IL1RAPL2: variants seen among roughly 807,000 people sequenced by gnomAD.
IL1RAPL2 encodes interleukin 1 receptor accessory protein like 2.
A neutral mutation model predicts 44.1 loss-of-function variants in IL1RAPL2; 3 were observed. The observed-to-expected ratio is 0.07, with a 90% CI of 0.03 to 0.18. The LOEUF (loss-of-function observed/expected upper bound fraction) is 0.18. Ranked by LOEUF, IL1RAPL2 falls within the 10% of genes least tolerant of loss-of-function variation. IL1RAPL2 has a pLI of 1.00. For synonymous variants in IL1RAPL2, 181 were observed against 178.8 expected, an observed-to-expected ratio of 1.01 and a Z score of -0.10; for missense variants, 391 against 496.4, an observed-to-expected ratio of 0.79 and a Z score of 2.02.
chrX:104,749,003 C>A (rs1399083852), intron 2 of IL1RAPL2, among the ~76,000 whole-genome samples: 1 of 110,448 alleles, frequency 9.1e-6, no homozygotes. Context: ...AAATCAAGAA[C>A]AATCTGATAA....
chrX:105,368,340 C>A (rs1008108082), intron 5 of IL1RAPL2, among the ~76,000 whole-genome samples: 1 of 111,708 alleles, frequency 9.0e-6, no homozygotes, highest in African/African-American at 3.3e-5. Flanking sequence ...CCAAATTCAA[C>A]AACCCAATTC....
At chrX:105,641,028 C>T (rs1248130252) in intron 6 of IL1RAPL2, among the ~76,000 whole-genome samples, 1 of 109,335 alleles carries the variant, frequency 9.1e-6, no homozygotes, top group Admixed American at 9.9e-5. Context: ...GGTAAACATA[C>T]AAAAAATTAA....
chrX:105,127,708 A>G (rs1465068210), intron 2 of IL1RAPL2, among the ~76,000 whole-genome samples: 2 of 111,156 alleles, frequency 1.8e-5, no homozygotes, highest in African/African-American at 6.5e-5. Context: ...TTTTATACCA[A>G]ATCTGAACCT....
chrX:104,753,867 C>T (rs1391935942), intron 2 of IL1RAPL2, among the ~76,000 whole-genome samples: 1 of 111,700 alleles, frequency 9.0e-6, no homozygotes, highest in Non-Finnish European at 1.9e-5. Flanking sequence ...GAATTTTACC[C>T]CTTAGCAAAT....
chrX:105,742,540 C>T (rs2038509017), intron 8 of IL1RAPL2, among the ~76,000 whole-genome samples: 1 of 110,748 alleles, frequency 9.0e-6, no homozygotes, highest in Admixed American at 9.6e-5. Flanking sequence ...AACCAAGACA[C>T]ACTGTAATAC....
At chrX:105,566,147 C>T (rs772626586) in intron 6 of IL1RAPL2, among the ~76,000 whole-genome samples, 1 of 110,909 alleles carries the variant, frequency 9.0e-6, no homozygotes, top group South Asian at 3.8e-4. Flanking sequence ...CCATTGCTAA[C>T]TCCACAACTG....
chrX:105,005,581 T>C (rs2092751723), intron 2 of IL1RAPL2, among the ~76,000 whole-genome samples: 1 of 111,015 alleles, frequency 9.0e-6, no homozygotes, highest in Admixed American at 9.6e-5. Flanking sequence ...CTTTCTCTTA[T>C]ATTTCTTCTT....
chrX:105,328,250 T>TC (rs908242553), intron 5 of IL1RAPL2, among the ~76,000 whole-genome samples: 1 of 111,835 alleles, frequency 8.9e-6, no homozygotes, highest in African/African-American at 3.2e-5. Flanking sequence ...CCTTGTACCC[T>TC]CCAAGAAAGT....
chrX:104,612,239 C>A (rs1194427766), intron 1 of IL1RAPL2, among the ~76,000 whole-genome samples: 2 of 112,017 alleles, frequency 1.8e-5, no homozygotes, highest in Non-Finnish European at 3.8e-5. Context: ...CTTTTGAGGA[C>A]TTAGTCATAA....
intron 2 of IL1RAPL2, among the ~76,000 whole-genome samples, chrX:105,072,204 G>C (rs1396860090): frequency 9.0e-6 from 1 of 111,537 alleles, no homozygotes; most frequent in African/African-American, 3.3e-5. Context: ...CTTTTCGCCT[G>C]CTGCCATGTA....
intron 2 of IL1RAPL2, among the ~76,000 whole-genome samples, chrX:104,722,940 ATTAAGT>A (rs1484989210): frequency 9.0e-6 from 1 of 111,443 alleles, no homozygotes; most frequent in African/African-American, 3.3e-5. Context: ...CAAAAATATA[ATTAAGT>A]TTAATTGTAA....
chrX:105,201,925 C>T (rs145607581), intron 3 of IL1RAPL2, among the ~76,000 whole-genome samples: 1,944 of 111,076 alleles, frequency 0.018, 50 homozygotes, highest in African/African-American at 0.059. Flanking sequence ...ATTTCATTCC[C>T]GAAATGAAAT....
intron 6 of IL1RAPL2, among the ~76,000 whole-genome samples, chrX:105,556,124 T>C (rs191740293): frequency 3.8e-4 from 42 of 111,917 alleles, no homozygotes; most frequent in Middle Eastern, 4.6e-3. Context: ...GTGCCTTACA[T>C]GAAAGAGCTA....
At chrX:104,793,435 G>A (rs1932835404) in intron 2 of IL1RAPL2, among the ~76,000 whole-genome samples, 1 of 111,912 alleles carries the variant, frequency 8.9e-6, no homozygotes, top group African/African-American at 3.2e-5. Flanking sequence ...TGTAGAGAAA[G>A]GAAAGTGGAT....
At chrX:105,439,950 G>A (rs1018553498) in intron 5 of IL1RAPL2, among the ~76,000 whole-genome samples, 1 of 112,001 alleles carries the variant, frequency 8.9e-6, no homozygotes, top group Non-Finnish European at 1.9e-5. Flanking sequence ...GAAGAAATGA[G>A]GTGAGGAATG....
At position 105,406,464 on chromosome X, in the gene IL1RAPL2, A is replaced by T. The variant is rs750354582; in HGVS notation, c.698-77849A>T. The T allele has an allele frequency of 3.9e-5, 46 of 1,194,418 alleles. 1 individual carries two copies. The South Asian group carries it at 7.6e-4, about 20-fold the overall frequency. Reference sequence around the variant, plus strand: ...ATAAAGAATTCTCAACCACCGGAGGATCATTCACCAATATCCCGAAAGGAA... The same window carrying T: ...ATAAAGAATTCTCAACCACCGGAGGTTCATTCACCAATATCCCGAAAGGAA... On this transcript the variant is annotated intron_variant, in intron 5 of 10. Coordinates refer to ENST00000372582, the MANE Select transcript of IL1RAPL2 (RefSeq NM_017416.2).
chrX:105,373,767 A>G (rs763240265), intron 5 of IL1RAPL2, among the ~76,000 whole-genome samples: 1 of 111,029 alleles, frequency 9.0e-6, no homozygotes, highest in Non-Finnish European at 1.9e-5. Context: ...CCATTTGTCA[A>G]CAATAAATGA....
intron 5 of IL1RAPL2, among the ~76,000 whole-genome samples, chrX:105,282,921 A>G (rs750587258): frequency 8.1e-5 from 9 of 111,448 alleles, no homozygotes; most frequent in Non-Finnish European, 9.4e-5. Context: ...TAATTACCCA[A>G]TCCCCCTTGC....
At chrX:104,621,367 T>C (rs1286497667) in intron 1 of IL1RAPL2, among the ~76,000 whole-genome samples, 3 of 109,443 alleles carry the variant, frequency 2.7e-5, no homozygotes, top group Non-Finnish European at 5.7e-5. Flanking sequence ...ATTGCAAGCC[T>C]GGGGTAGGAG....
Sources: gnomAD v4.1 joint callset for allele counts (sites outside exome capture counted in the v4.1 genomes callset) on GRCh38, gnomAD v4.1.1 for gene constraint, MANE v1.5 for transcripts, NCBI Gene and HGNC (gene_info 2026-07-23, HGNC 2026-07-21) for gene names.